ARAP2: variants seen among roughly 807,000 people sequenced by gnomAD.
The protein encoded by ARAP2 is arf-GAP with Rho-GAP domain, ANK repeat and PH domain-containing protein 2.
Under a neutral mutation model 194.5 loss-of-function variants are expected in ARAP2, and 148 were observed. The ratio of observed to expected loss-of-function variants is 0.76; its 90% CI spans 0.67 to 0.87. The LOEUF is 0.87. Ranked by LOEUF, ARAP2 falls within the 40% of genes least tolerant of loss-of-function variation. ARAP2 has a pLI of 0.00. For missense variants in ARAP2, 2,128 were observed against 1,989.7 expected, an observed-to-expected ratio of 1.07 and a Z score of -1.32; for synonymous variants, 695 against 683.5, an observed-to-expected ratio of 1.02 and a Z score of -0.26.
chr4:36,148,343 AAC>A, intron 17 of ARAP2, 60 bp downstream of exon 17: 1 of 1,298,468 alleles, frequency 7.7e-7, no homozygotes, highest in Non-Finnish European at 1.1e-6. Flanking sequence ...CTGAAGCTCA[AAC>A]ACAGACTCCC....
intron 23 of ARAP2, among the ~76,000 whole-genome samples, chr4:36,120,091 T>A (rs1722328865): frequency 6.6e-6 from 1 of 151,522 alleles, no homozygotes; most frequent in Non-Finnish European, 1.5e-5. Flanking sequence ...TTAGGTAAAG[T>A]TTAACATAAC....
intron 30 of ARAP2, among the ~76,000 whole-genome samples, chr4:36,081,088 T>TA (rs1038442706): frequency 6.6e-6 from 1 of 152,166 alleles, no homozygotes; most frequent in Admixed American, 6.6e-5. Context: ...ATGAAATTTC[T>TA]AAAAAATCTG....
intron 27 of ARAP2, among the ~76,000 whole-genome samples, chr4:36,098,416 A>G (rs1158835556): frequency 3.3e-5 from 5 of 151,994 alleles, no homozygotes; most frequent in Admixed American, 3.3e-4. Flanking sequence ...TGGCTCCAAC[A>G]TACAACTGCA....
At chr4:36,060,847 G>T (rs998528706) in intron 1 of ARAP2, among the ~76,000 whole-genome samples, 1 of 152,084 alleles carries the variant, frequency 6.6e-6, no homozygotes, top group Non-Finnish European at 1.5e-5. Context: ...AGTCAGAATG[G>T]ATTAGGGCCT....
rs1242312712 is a variant in ARAP2 at position 36,127,840 on chromosome 4, A to G, written c.3640+693T>C. On this transcript the variant is annotated intron_variant, in intron 21 of 32. Coordinates refer to ENST00000303965, the MANE Select transcript of ARAP2 (RefSeq NM_015230.4). ...AAGGACTATAATATGGAAAAATAAA[A>G]GTAGCTTCAGTAAAAAGGTGGAATG... Among the ~76,000 whole-genome samples the G allele has an allele frequency of 2.6e-5, 4 of 151,992 alleles. No homozygotes were observed. In the East Asian group the frequency reaches 7.7e-4, roughly 29 times the overall value.
rs779205453 is a variant in ARAP2 at position 36,212,457 on chromosome 4, G to C, written c.1072C>G (p.Gln358Glu). Residue 358 changes from glutamine (Q) to glutamate (E), a missense_variant, in exon 5 of 33, where the codon CAG becomes GAG. Gln to Glu is a conservative substitution (Grantham distance 29, BLOSUM62 2). Transcript: ENST00000303965. ...KRSIKNEFLT[Q>E]GEALKGEAAT... ...GCTTCCCCTTTGAGTGCTTCTCCCT[G>C]GGTCAAAAATTCATTCTTTATAGAT... 2 of 1,611,888 alleles carry C rather than the reference G, an allele frequency of 1.2e-6. No homozygotes were observed. Among genetic ancestry groups the C allele is most frequent in the East Asian group, 4.5e-5 (2 of 44,768 alleles).
At chr4:36,051,879 T>C (rs931380751) in intron 3 of ARAP2, 1 of 152,220 alleles carries the variant, frequency 6.6e-6, no homozygotes, top group Non-Finnish European at 1.5e-5. Flanking sequence ...CGTGTGACTG[T>C]TTGATAAAGA....
chr4:36,129,930 C>T (rs1322821196), intron 20 of ARAP2, among the ~76,000 whole-genome samples: 1 of 151,900 alleles, frequency 6.6e-6, no homozygotes, highest in African/African-American at 2.4e-5. Context: ...ACCTCACCTT[C>T]CACCCCCACC....
Position 36,068,112 on chromosome 4 carries a change from T to A in ARAP2, c.4910A>T (p.Glu1637Val). 1 of 1,614,128 alleles carries A rather than the reference T, an allele frequency of 6.2e-7. No individual in the cohort carries two copies. Residue 1637 changes from glutamate (E) to valine (V), a missense_variant, in exon 33 of 33, where the codon GAG becomes GTG. Glu to Val is a moderately radical substitution (Grantham distance 121). Transcript: ENST00000303965. ...AAGTGGGGCTTCAGGCTCTGTGTCC[T>A]CCAGGCAGTTGAAACTCCGATGTTT... ...PRKHRSFNCL[E>V]DTEPEAPLGQ...
chr4:36,161,732 T>C (rs1221393395), intron 11 of ARAP2, among the ~76,000 whole-genome samples, 182 bp from the exon 12 acceptor site: 1 of 145,040 alleles, frequency 6.9e-6, no homozygotes, highest in Non-Finnish European at 1.5e-5. Flanking sequence ...TGGTGAGAAT[T>C]AGACAAATCG....
chr4:36,150,934 C>A lies in ARAP2; in HGVS notation c.2863G>T (p.Ala955Ser). The change falls in exon 16 of 33, where the codon GCT (alanine) becomes TCT (serine). Residue 955 changes from alanine (A) to serine (S), a missense_variant. Coordinates refer to ENST00000303965, the MANE Select transcript of ARAP2 (RefSeq NM_015230.4). ...TININEVICLAIHKEDFYLNT... is the reference protein window; with the variant it reads ...TININEVICLSIHKEDFYLNT... ...AAATAGAAGTCCTCTTTGTGTATAGCCAGGCAGATAACTTCATTGATATTA... is the reference window on the plus strand; with the variant it reads ...AAATAGAAGTCCTCTTTGTGTATAGACAGGCAGATAACTTCATTGATATTA... 1 of 1,612,882 alleles carries A rather than the reference C, an allele frequency of 6.2e-7. No homozygotes were observed. Among genetic ancestry groups the A allele is most frequent in the Non-Finnish European group, 8.5e-7 (1 of 1,179,480 alleles).
chr4:36,085,133 A>C (rs186802272), intron 28 of ARAP2, among the ~76,000 whole-genome samples: 178 of 152,158 alleles, frequency 1.2e-3, no homozygotes, highest in Middle Eastern at 6.8e-3. Flanking sequence ...ATTTAATATG[A>C]AATTGCCTTG....
intron 15 of ARAP2, among the ~76,000 whole-genome samples, chr4:36,153,174 C>A (rs1731412410): frequency 6.6e-6 from 1 of 152,142 alleles, no homozygotes; most frequent in Non-Finnish European, 1.5e-5. Flanking sequence ...GTAACCATTT[C>A]TTAGCTTTAT....
rs551057988 is a variant in ARAP2 at position 36,019,455 on chromosome 4, TACAA to T, written n.608-173_608-170del. The stretch of plus-strand genomic sequence containing the variant: ...GGTTTAACAAAGACAATAGAAAACT[TACAA>T]ACAATTTTAGGAATTGTGATACTCG... On this transcript the variant is annotated intron_variant and non_coding_transcript_variant, in intron 5 of 12. Transcript: ENST00000503225. Among the ~76,000 whole-genome samples, 8 of 149,410 alleles carry T rather than the reference TACAA, an allele frequency of 5.4e-5. No individual in the cohort carries two copies. The East Asian group carries it at 1.5e-3, about 29-fold the overall frequency.
intron 27 of ARAP2, among the ~76,000 whole-genome samples, chr4:36,097,674 C>T (rs1446576975): frequency 6.6e-6 from 1 of 152,028 alleles, no homozygotes; most frequent in Admixed American, 6.6e-5. Context: ...TAATGCACTC[C>T]CCAAAGCACT....
rs1232461999 is a variant in ARAP2 at position 36,014,278 on chromosome 4, AAAGAAAGAAAGAAAGAAAG to A, written n.1056+1089_1056+1107del. ...GAAAGAAAGAAAGAAAGAAAGAAAG[AAAGAAAGAAAGAAAGAAAG>A]AAGAGAAGGAAGGAAAGAAAGAAAG... On this transcript the variant is annotated intron_variant and non_coding_transcript_variant, in intron 8 of 12. Coordinates refer to the ARAP2 transcript ENST00000503225. Among the ~76,000 whole-genome samples the A allele has an allele frequency of 2.0e-5, 3 of 147,458 alleles. No homozygotes were observed. In the East Asian group the frequency reaches 5.9e-4, roughly 29 times the overall value.
chr4:36,174,789 C>A (rs1424996907), intron 9 of ARAP2, among the ~76,000 whole-genome samples: 2 of 152,118 alleles, frequency 1.3e-5, no homozygotes, highest in Non-Finnish European at 2.9e-5. Flanking sequence ...ATTACCAGAG[C>A]CAATTAGTAG....
intron 6 of ARAP2, among the ~76,000 whole-genome samples, chr4:36,018,447 C>CAAAA (rs34023851): frequency 7.3e-6 from 1 of 136,188 alleles, no homozygotes; most frequent in African/African-American, 2.7e-5. Context: ...CTCAATATCT[C>CAAAA]AAAAAAAAAA....
chr4:36,239,258 C>A (rs1275612028), intron 1 of ARAP2, among the ~76,000 whole-genome samples: 1 of 150,872 alleles, frequency 6.6e-6, no homozygotes, highest in Admixed American at 6.6e-5. Context: ...GAGAAAGATG[C>A]TGTCTCAAAA....
Sources: allele counts gnomAD v4.1 joint callset (sites outside exome capture counted in the v4.1 genomes callset), GRCh38; gene constraint gnomAD v4.1.1; transcripts MANE v1.5; gene names NCBI Gene and HGNC (gene_info 2026-07-23, HGNC 2026-07-21).